The following LOC128462377 variants were observed in gnomAD, a reference collection of about 807,000 sequenced individuals.
the LOC128462377 span, among the ~76,000 whole-genome samples, chr16:89,386,917 C>T: frequency 1.1e-4 from 17 of 151,980 alleles, no homozygotes; most frequent in African/African-American, 3.9e-4. Flanking sequence ...CAGCTCCCCA[C>T]GCCTCGACCA....
At chr16:89,335,574 A>G in the LOC128462377 span, among the ~76,000 whole-genome samples, 1 of 152,238 alleles carries the variant, frequency 6.6e-6, no homozygotes, top group South Asian at 2.1e-4. Flanking sequence ...GTAGCAGAAC[A>G]GCGAGTGACG....
the LOC128462377 span, among the ~76,000 whole-genome samples, chr16:89,386,588 G>A: frequency 3.4e-3 from 521 of 152,336 alleles, 2 homozygotes; most frequent in Non-Finnish European, 5.8e-3. Context: ...CCCGCGGGGA[G>A]GAGTGTATCC....
At chr16:89,405,015 T>A in the LOC128462377 span, among the ~76,000 whole-genome samples, 1 of 152,056 alleles carries the variant, frequency 6.6e-6, no homozygotes, top group South Asian at 2.1e-4. Context: ...ATCTAAAAAC[T>A]TCTCCTCTCC....
At chr16:89,382,337 T>TA in the LOC128462377 span, among the ~76,000 whole-genome samples, 47,801 of 149,546 alleles carry the variant, frequency 0.32, 9,084 homozygotes, top group Middle Eastern at 0.5. Flanking sequence ...ATATATATAT[T>TA]TTTTTAAAGA....
the LOC128462377 span, chr16:89,320,174 G>C: frequency 6.6e-6 from 1 of 152,298 alleles, no homozygotes; most frequent in Admixed American, 6.5e-5. Context: ...AACAGTCCTT[G>C]AAGCTGGGAG....
the LOC128462377 span, among the ~76,000 whole-genome samples, chr16:89,341,226 G>A: frequency 3.0e-4 from 45 of 152,348 alleles, no homozygotes; most frequent in Middle Eastern, 6.8e-3. Context: ...GACTTCTGCT[G>A]CCATCATGGC....
the LOC128462377 span, among the ~76,000 whole-genome samples, chr16:89,344,042 C>T: frequency 2.6e-5 from 4 of 152,290 alleles, no homozygotes; most frequent in South Asian, 2.1e-4. Context: ...TCCTCAAGCC[C>T]GGCCCCGCCC....
chr16:89,378,116 G>A, the LOC128462377 span, among the ~76,000 whole-genome samples: 2 of 152,140 alleles, frequency 1.3e-5, no homozygotes, highest in Admixed American at 1.3e-4. Flanking sequence ...CTGGGAGGCC[G>A]AGGCGGAAGG....
chr16:89,365,296 T>C, the LOC128462377 span, among the ~76,000 whole-genome samples: 1 of 152,212 alleles, frequency 6.6e-6, no homozygotes, highest in South Asian at 2.1e-4. Flanking sequence ...TAAACCCTTG[T>C]GTCATCACCT....
At chr16:89,361,339 G>A in the LOC128462377 span, among the ~76,000 whole-genome samples, 2 of 152,328 alleles carry the variant, frequency 1.3e-5, no homozygotes, top group East Asian at 3.9e-4. Context: ...GGCGGGGGGT[G>A]CTGCAGGGAC....
the LOC128462377 span, among the ~76,000 whole-genome samples, chr16:89,347,853 T>C: frequency 6.6e-6 from 1 of 152,290 alleles, no homozygotes; most frequent in Non-Finnish European, 1.5e-5. Flanking sequence ...AGTGGGTGTT[T>C]CTCAGAACGT....
chr16:89,402,064 C>T, the LOC128462377 span, among the ~76,000 whole-genome samples: 56 of 152,144 alleles, frequency 3.7e-4, no homozygotes, highest in African/African-American at 1.3e-3. Context: ...ACGGCAGCCC[C>T]GAAAGACCCC....
the LOC128462377 span, among the ~76,000 whole-genome samples, chr16:89,348,588 G>A: frequency 6.6e-6 from 1 of 152,174 alleles, no homozygotes; most frequent in Non-Finnish European, 1.5e-5. Context: ...AGGTTTCTTT[G>A]TGGGAAGGGT....
chr16:89,369,680 G>A, the LOC128462377 span, among the ~76,000 whole-genome samples: 4 of 152,316 alleles, frequency 2.6e-5, no homozygotes, highest in South Asian at 2.1e-4. Flanking sequence ...TTAAGGTCCC[G>A]ACTGTGGGAC....
At chr16:89,374,954 G>C in the LOC128462377 span, among the ~76,000 whole-genome samples, 1 of 152,090 alleles carries the variant, frequency 6.6e-6, no homozygotes, top group Non-Finnish European at 1.5e-5. Context: ...AGTATGTCAT[G>C]AATGTACAAA....
the LOC128462377 span, among the ~76,000 whole-genome samples, chr16:89,377,224 A>G: frequency 2.6e-5 from 4 of 152,124 alleles, no homozygotes; most frequent in African/African-American, 9.7e-5. Context: ...AGGACCTGTA[A>G]GGCTCATTAC....
the LOC128462377 span, among the ~76,000 whole-genome samples, chr16:89,404,524 G>A: frequency 6.6e-6 from 1 of 152,182 alleles, no homozygotes; most frequent in African/African-American, 2.4e-5. Context: ...CAGTTTGAAG[G>A]GTATGGGGTA....
chr16:89,344,198 G>C, the LOC128462377 span, among the ~76,000 whole-genome samples: 1 of 152,164 alleles, frequency 6.6e-6, no homozygotes, highest in Non-Finnish European at 1.5e-5. Context: ...CAGCCCCTAA[G>C]TCATCACTAG....
the LOC128462377 span, among the ~76,000 whole-genome samples, chr16:89,335,381 C>G: frequency 6.6e-6 from 1 of 152,180 alleles, no homozygotes; most frequent in Non-Finnish European, 1.5e-5. Flanking sequence ...CCCACAGGTC[C>G]CAGAAGCATG....
Sources: allele counts gnomAD v4.1 joint callset (sites outside exome capture counted in the v4.1 genomes callset), GRCh38; gene constraint gnomAD v4.1.1; transcripts MANE v1.5.